PDS5B: variants seen among roughly 807,000 people sequenced by gnomAD.
PDS5B encodes PDS5 cohesin associated factor B, also known as sister chromatid cohesion protein PDS5 homolog B.
Under a neutral mutation model 184.1 loss-of-function variants are expected in PDS5B, and 51 were observed. That is an observed-to-expected ratio of 0.28 (90% CI 0.22 to 0.35). The LOEUF (loss-of-function observed/expected upper bound fraction) is 0.35, where lower values mean the gene tolerates loss of function less well. PDS5B is among the 10% of genes least tolerant of loss of function. The pLI is 1.00. For synonymous variants in PDS5B, 566 were observed against 569.2 expected (o/e 0.99, Z 0.08); for missense variants, 1,180 against 1,723.3 (o/e 0.68, Z 5.58).
At chr13:32,629,515 T>C (rs1339151506) in intron 1 of PDS5B, among the ~76,000 whole-genome samples, 2 of 152,192 alleles carry the variant, frequency 1.3e-5, no homozygotes. Flanking sequence ...TGTTTATCCT[T>C]GTTGGAGTTA....
At chr13:32,663,309 A>G (rs530398238) in intron 6 of PDS5B, among the ~76,000 whole-genome samples, 12 of 152,032 alleles carry the variant, frequency 7.9e-5, no homozygotes, top group African/African-American at 2.7e-4. Context: ...TCCTAGGGAA[A>G]CCAGGTGCAA....
intron 19 of PDS5B, among the ~76,000 whole-genome samples, chr13:32,716,667 G>GA (rs1398368500): frequency 3.6e-5 from 5 of 137,236 alleles, no homozygotes; most frequent in African/African-American, 8.1e-5. Flanking sequence ...AGGGAGGTGG[G>GA]GGGGGTCAGC....
At chr13:32,680,536 CT>C (rs1247465595) in intron 10 of PDS5B, among the ~76,000 whole-genome samples, 1 of 152,228 alleles carries the variant, frequency 6.6e-6, no homozygotes, top group Non-Finnish European at 1.5e-5. Context: ...ACATAATCCC[CT>C]TTTGGGTATG....
intron 1 of PDS5B, among the ~76,000 whole-genome samples, chr13:32,614,039 T>G (rs550751145): frequency 5.3e-5 from 8 of 152,314 alleles, no homozygotes; most frequent in South Asian, 2.1e-4. Context: ...ATCAATTGAT[T>G]GTAAATATGA....
chr13:32,645,124 A>C (rs1228406475), intron 1 of PDS5B, among the ~76,000 whole-genome samples: 1 of 151,952 alleles, frequency 6.6e-6, no homozygotes, highest in Non-Finnish European at 1.5e-5. Flanking sequence ...TGATCTTGTC[A>C]CCTCAACTTG....
chr13:32,716,668 G>A (rs1326689511), intron 19 of PDS5B, among the ~76,000 whole-genome samples: 1 of 139,568 alleles, frequency 7.2e-6, no homozygotes, highest in African/African-American at 2.6e-5. Flanking sequence ...GGGAGGTGGG[G>A]GGGGTCAGCC....
intron 30 of PDS5B, among the ~76,000 whole-genome samples, chr13:32,762,919 C>T (rs1483931506): frequency 6.6e-6 from 1 of 152,082 alleles, no homozygotes; most frequent in Non-Finnish European, 1.5e-5. Flanking sequence ...CCCTTGTTTG[C>T]TTTCAAGACA....
chr13:32,739,930 T>C (rs1953480748), intron 21 of PDS5B, among the ~76,000 whole-genome samples: 1 of 152,188 alleles, frequency 6.6e-6, no homozygotes, highest in African/African-American at 2.4e-5. Context: ...TAAATCTACC[T>C]GATAGTCTCT....
chr13:32,683,789 G>T, intron 10 of PDS5B, 89 bp from the exon 11 acceptor site: 1 of 805,060 alleles, frequency 1.2e-6, no homozygotes, highest in Non-Finnish European at 2.0e-6. Context: ...GTATTGTTTT[G>T]CTAGGGCTTA....
chr13:32,744,489 A>G (rs917174240), intron 23 of PDS5B, among the ~76,000 whole-genome samples: 8 of 152,118 alleles, frequency 5.3e-5, no homozygotes, highest in Non-Finnish European at 1.2e-4. Flanking sequence ...TACACCTTAA[A>G]CTTTTATGTA....
intron 30 of PDS5B, among the ~76,000 whole-genome samples, chr13:32,762,337 G>A (rs1954434382): frequency 1.3e-5 from 2 of 152,138 alleles, no homozygotes; most frequent in African/African-American, 4.8e-5. Context: ...AATCAGTAAA[G>A]AAGGTAGGTG....
At chr13:32,635,578 A>G (rs9591198) in intron 1 of PDS5B, among the ~76,000 whole-genome samples, 56,316 of 145,510 alleles carry the variant, frequency 0.39, 10,919 homozygotes, top group Middle Eastern at 0.46. Context: ...TCTTGACCTC[A>G]TGATCTGGCC....
intron 1 of PDS5B, among the ~76,000 whole-genome samples, chr13:32,615,083 CG>C (rs906242082): frequency 6.6e-6 from 1 of 152,174 alleles, no homozygotes; most frequent in African/African-American, 2.4e-5. Context: ...GAACCACCTC[CG>C]TTGTGCCCCC....
At chr13:32,664,526 T>A (rs1043426353) in intron 6 of PDS5B, among the ~76,000 whole-genome samples, 2 of 152,174 alleles carry the variant, frequency 1.3e-5, no homozygotes, top group Admixed American at 6.6e-5. Flanking sequence ...CTTAGTATCA[T>A]AATGATGTCA....
rs139850835 is a variant in PDS5B at position 32,774,429 on chromosome 13, A to G, written c.4309-588A>G. Among the ~76,000 whole-genome samples the G allele has an allele frequency of 8.6e-4, 131 of 152,354 alleles. No individual in the cohort carries two copies. The Middle Eastern group carries it at 0.014, about 16-fold the overall frequency. On this transcript the variant is annotated intron_variant, in intron 34 of 34. Coordinates refer to ENST00000315596, the MANE Select transcript of PDS5B (RefSeq NM_015032.4). ...GACATCAAAGTAAGTCTGAAGAGTCAGTAACGATTGATGTCTTCATCAGAG... is the reference window on the plus strand; with the variant it reads ...GACATCAAAGTAAGTCTGAAGAGTCGGTAACGATTGATGTCTTCATCAGAG...
At chr13:32,615,954 A>C (rs2058211744) in intron 1 of PDS5B, among the ~76,000 whole-genome samples, 1 of 152,126 alleles carries the variant, frequency 6.6e-6, no homozygotes, top group African/African-American at 2.4e-5. Flanking sequence ...TTCTTGCCTA[A>C]AGTCAAAGAC....
At chr13:32,682,198 G>C (rs1487918368) in intron 10 of PDS5B, among the ~76,000 whole-genome samples, 1 of 152,062 alleles carries the variant, frequency 6.6e-6, no homozygotes, top group Non-Finnish European at 1.5e-5. Context: ...TAAAAAAAGT[G>C]TAATTAGCTT....
chr13:32,708,062 TC>T (rs1230884859), intron 18 of PDS5B, among the ~76,000 whole-genome samples: 53 of 122,524 alleles, frequency 4.3e-4, no homozygotes, highest in Admixed American at 3.3e-3. Context: ...TACTCCCCGT[TC>T]CCTAGGAATT....
intron 6 of PDS5B, among the ~76,000 whole-genome samples, chr13:32,665,894 TATAAA>T (rs1432975015): frequency 3.3e-5 from 5 of 152,084 alleles, no homozygotes; most frequent in Non-Finnish European, 7.4e-5. Flanking sequence ...TGTAAAGTGA[TATAAA>T]ATGAGAACAG....
Sources: gnomAD v4.1 joint callset for allele counts (sites outside exome capture counted in the v4.1 genomes callset) on GRCh38, gnomAD v4.1.1 for gene constraint, MANE v1.5 for transcripts, NCBI Gene and HGNC (gene_info 2026-07-23, HGNC 2026-07-21) for gene names.